Variants in PDGFRL observed in about 807,000 individuals in gnomAD.
PDGFRL encodes platelet-derived growth factor receptor-like protein.
PDGFRL carries 46 observed loss-of-function variants against 37.2 expected under a neutral mutation model. That is an observed-to-expected ratio of 1.24 (90% CI 0.98 to 1.58). The LOEUF (loss-of-function observed/expected upper bound fraction) is 1.58, where lower values mean the gene tolerates loss of function less well. PDGFRL is among the 40% of genes most tolerant of loss of function. PDGFRL has a pLI of 0.00. For synonymous variants in PDGFRL, 251 were observed against 184.3 expected (o/e 1.36, Z -2.93); for missense variants, 692 against 467.6 (o/e 1.48, Z -4.43).
chr8:17,581,967 G>A (rs112276739), intron 1 of PDGFRL, among the ~76,000 whole-genome samples: 3 of 152,266 alleles, frequency 2.0e-5, no homozygotes, highest in African/African-American at 4.8e-5. Context: ...GCAGAGAATC[G>A]GAAGAGTTTG....
intron 3 of PDGFRL, among the ~76,000 whole-genome samples, chr8:17,625,325 T>C (rs1301988456): frequency 2.0e-5 from 3 of 152,180 alleles, no homozygotes; most frequent in Non-Finnish European, 4.4e-5. Flanking sequence ...CGAATCTTTG[T>C]ATTTTTAGCA....
At chr8:17,634,982 T>A (rs116435436) in intron 5 of PDGFRL, among the ~76,000 whole-genome samples, 11,420 of 151,244 alleles carry the variant, frequency 0.076, 1,149 homozygotes, top group African/African-American at 0.24. Context: ...GGTTTTTTTT[T>A]AAAAAAAAGG....
chr8:17,589,312 G>T (rs1256482098), intron 1 of PDGFRL, among the ~76,000 whole-genome samples, 156 bp from the exon 2 acceptor site: 2 of 152,082 alleles, frequency 1.3e-5, no homozygotes, highest in Non-Finnish European at 2.9e-5. Context: ...CTTGAACCTG[G>T]GAGGTGGAGG....
At chr8:17,628,057 T>A (rs540676046) in intron 3 of PDGFRL, among the ~76,000 whole-genome samples, 2 of 141,382 alleles carry the variant, frequency 1.4e-5, no homozygotes, top group Admixed American at 7.4e-5. Flanking sequence ...GCAGTGGCGC[T>A]ATCTCGGCTC....
intron 5 of PDGFRL, among the ~76,000 whole-genome samples, chr8:17,640,456 T>C (rs564038438): frequency 1.3e-5 from 2 of 152,312 alleles, no homozygotes; most frequent in East Asian, 3.9e-4. Flanking sequence ...CATATTCTTT[T>C]GTCCCATGGG....
chr8:17,641,526 C>G (rs888371141), intron 5 of PDGFRL, among the ~76,000 whole-genome samples: 2 of 152,188 alleles, frequency 1.3e-5, no homozygotes, highest in African/African-American at 4.8e-5. Flanking sequence ...CAAGCTGTGC[C>G]CATGGCAAGC....
intron 2 of PDGFRL, among the ~76,000 whole-genome samples, chr8:17,590,930 T>A (rs2150813805): frequency 6.8e-6 from 1 of 146,522 alleles, no homozygotes; most frequent in African/African-American, 2.5e-5. Context: ...TCCCACAGGT[T>A]GGAGTGCAGT....
Position 17,631,030 on chromosome 8 carries a change from G to A in PDGFRL, c.799+2250G>A, listed in dbSNP as rs117316874. ...AACATACAGTGGAGACACAGTCTGG[G>A]CCCTCTTTACTTCTCGAAGTCCCCC... On this transcript the variant is annotated intron_variant, in intron 4 of 5. Coordinates refer to ENST00000251630, the MANE Select transcript of PDGFRL (RefSeq NM_001372073.1). Among the ~76,000 whole-genome samples, 1,156 of 152,184 alleles carry A rather than the reference G, an allele frequency of 7.6e-3. 28 individuals carry two copies. In the South Asian group the frequency reaches 0.091, roughly 12 times the overall value.
chr8:17,633,252 A>C (rs74706490), intron 4 of PDGFRL, among the ~76,000 whole-genome samples: 1 of 152,094 alleles, frequency 6.6e-6, no homozygotes, highest in East Asian at 1.9e-4. Flanking sequence ...AACATAGACC[A>C]AAAAAACTGA....
intron 3 of PDGFRL, among the ~76,000 whole-genome samples, chr8:17,626,961 C>T (rs1047089161): frequency 5.3e-5 from 8 of 152,164 alleles, no homozygotes; most frequent in South Asian, 2.1e-4. Context: ...CTGGCCAAGC[C>T]GAGAGCAGAC....
Position 17,629,563 on chromosome 8 carries a change from G to T in PDGFRL, c.799+783G>T, listed in dbSNP as rs566528812. On this transcript the variant is annotated intron_variant, in intron 4 of 5. Transcript: ENST00000251630. ...CTGTTGGGAACCTCTGCTCTTTGGG[G>T]GCTCTACCAGCATTCTCATTTCCTT... is the stretch of plus-strand genomic sequence containing the variant. Among the ~76,000 whole-genome samples the T allele has an allele frequency of 2.4e-4, 37 of 152,134 alleles. 1 individual carries two copies. In the South Asian group the frequency reaches 7.7e-3, roughly 32 times the overall value.
At position 17,634,213 on chromosome 8, in the gene PDGFRL, G is replaced by A. The variant is rs1554555406; in HGVS notation, c.939G>A (p.Lys313=). ...TCACCTGGATCTTCCCAGGGCAGAA[G>A]GTAAGTGTTGTACCTGCATCTCAGC... ...VEFTWIFPGQ[K]DERPVTIQDT... is the part of the protein sequence containing the mutation. Residue 313 remains lysine (K), a splice_region_variant and synonymous_variant, in exon 5 of 6, where the codon AAG becomes AAA. Transcript: ENST00000251630. The A allele has an allele frequency of 2.5e-6, 4 of 1,610,020 alleles. No individual in the cohort carries two copies. The highest frequency in any genetic ancestry group is 2.5e-6 in the Non-Finnish European group (3 of 1,177,320).
At chr8:17,589,901 G>T (rs974298035) in intron 2 of PDGFRL, 136 bp downstream of exon 2, 11 of 618,232 alleles carry the variant, frequency 1.8e-5, no homozygotes, top group Non-Finnish European at 2.8e-5. Flanking sequence ...GAAGCTCAAA[G>T]GGCAAAAGTC....
chr8:17,600,711 G>C (rs1804148593), intron 2 of PDGFRL, among the ~76,000 whole-genome samples: 1 of 151,630 alleles, frequency 6.6e-6, no homozygotes, highest in African/African-American at 2.4e-5. Context: ...GCTGTGGTGA[G>C]AAGATCACTT....
In PDGFRL at chr8:17,589,543, AG is replaced by A. The variant is rs1803887790; in HGVS notation, c.133del (p.Val45Ter). 6.2e-7 allele frequency: 1 copy of A among 1,613,740 alleles called. No individual in the cohort carries two copies. The highest frequency in any genetic ancestry group is 2.2e-5 in the East Asian group (1 of 44,888). On this transcript the variant is annotated frameshift_variant, in exon 2 of 6. Coordinates refer to ENST00000251630, the MANE Select transcript of PDGFRL (RefSeq NM_001372073.1). LOFTEE classifies it high-confidence loss of function. ...GENRIKPTNK[K>X]VKPKIPKMKD... ...AATAGAATCAAACCTACCAACAAGA[AG>A]GTGAAGCCCAAAATTCCTAAAATGA...
chr8:17,628,044 A>T (rs1585330189), intron 3 of PDGFRL, among the ~76,000 whole-genome samples: 1 of 117,228 alleles, frequency 8.5e-6, no homozygotes, highest in South Asian at 2.8e-4. Context: ...CCCAGGCTGG[A>T]GTGCAGTGGC....
chr8:17,642,854 C>A lies in PDGFRL; in HGVS notation c.*53C>A. ...TGGAAAGCCCATTTGTGTACACAGT[C>A]AGCTTTGGGGTTCCTTTTATTAGTG... On this transcript the variant is annotated 3_prime_UTR_variant, in exon 6 of 6. Coordinates refer to ENST00000251630, the MANE Select transcript of PDGFRL (RefSeq NM_001372073.1). 1 of 1,198,926 alleles carries A rather than the reference C, an allele frequency of 8.3e-7. No individual in the cohort carries two copies. Among genetic ancestry groups the A allele is most frequent in the South Asian group, 1.3e-5 (1 of 77,182 alleles). The allele number at this position is 1,198,926 out of a possible 1,614,324, so 74.3% of individuals were successfully genotyped here.
At chr8:17,622,852 C>G (rs1243813214) in intron 3 of PDGFRL, among the ~76,000 whole-genome samples, 2 of 152,178 alleles carry the variant, frequency 1.3e-5, no homozygotes, top group African/African-American at 4.8e-5. Flanking sequence ...CCACCCCATC[C>G]TTTCAGTGTA....
upstream of PDGFRL, chr8:17,576,574 T>C (rs1332690739): frequency 4.7e-6 from 1 of 212,998 alleles, no homozygotes; most frequent in Non-Finnish European, 8.1e-6. Flanking sequence ...AGCCCGTGCT[T>C]ACCCTAATTC....
Sources: allele counts gnomAD v4.1 joint callset (sites outside exome capture counted in the v4.1 genomes callset), GRCh38; gene constraint gnomAD v4.1.1; transcripts MANE v1.5; gene names NCBI Gene and HGNC (gene_info 2026-07-23, HGNC 2026-07-21).